The following SPECC1 variants were observed in gnomAD, a reference collection of about 807,000 sequenced individuals.
SPECC1 encodes sperm antigen with calponin homology and coiled-coil domains 1.
A neutral mutation model predicts 104.1 loss-of-function variants in SPECC1; 62 were observed. The observed-to-expected ratio is 0.60, with a 90% confidence interval of 0.49 to 0.74. The LOEUF (loss-of-function observed/expected upper bound fraction) is 0.74. SPECC1 is among the 30% of genes least tolerant of loss of function. The pLI, the probability that SPECC1 is intolerant of heterozygous loss-of-function variation, is 0.00. For synonymous variants in SPECC1, 513 were observed against 501.6 expected (o/e 1.02, Z -0.30); for missense variants, 1,306 against 1,310.5 (o/e 1.00, Z 0.05).
At position 20,246,186 on chromosome 17, in the gene SPECC1, G is replaced by A. The variant is rs1598077972; in HGVS notation, c.2497+115G>A. On this transcript the variant is annotated intron_variant, in intron 8 of 14. Transcript: ENST00000395527. ...CCTGTGTTGTTACAACCACAAGGGCGCTTTCCAGGTCCTACCACGTGCAGC... is the reference window on the plus strand; with the variant it reads ...CCTGTGTTGTTACAACCACAAGGGCACTTTCCAGGTCCTACCACGTGCAGC... 7.0e-6 allele frequency: 9 copies of A among 1,293,252 alleles called. No individual in the cohort carries two copies. The East Asian group carries it at 9.9e-5, about 14-fold the overall frequency. 80.1% of individuals were successfully genotyped at this position (1,293,252 alleles called of 1,614,324 possible).
At chr17:20,105,497 C>A (rs914737021) in intron 2 of SPECC1, among the ~76,000 whole-genome samples, 4 of 152,154 alleles carry the variant, frequency 2.6e-5, no homozygotes, top group Non-Finnish European at 4.4e-5. Flanking sequence ...ATATAGAGAT[C>A]CCAGATCCCA....
intron 1 of SPECC1, among the ~76,000 whole-genome samples, chr17:20,016,578 C>T (rs971636106): frequency 6.6e-6 from 1 of 152,150 alleles, no homozygotes; most frequent in African/African-American, 2.4e-5. Context: ...CCAGCCGGCC[C>T]CAACGGCCCC....
intron 1 of SPECC1, among the ~76,000 whole-genome samples, chr17:20,058,843 T>C (rs2046070932): frequency 7.1e-6 from 1 of 141,390 alleles, no homozygotes; most frequent in African/African-American, 2.6e-5. Flanking sequence ...TTCTTTTTTT[T>C]TTTTTTTTTT....
intron 1 of SPECC1, among the ~76,000 whole-genome samples, chr17:20,031,195 A>G (rs903888701): frequency 6.6e-6 from 1 of 152,092 alleles, no homozygotes; most frequent in African/African-American, 2.4e-5. Context: ...GGGTTTTGCC[A>G]TGTTGGCCAG....
chr17:20,222,062 G>A (rs191519287), intron 4 of SPECC1, among the ~76,000 whole-genome samples: 1 of 150,344 alleles, frequency 6.7e-6, no homozygotes, highest in Non-Finnish European at 1.5e-5. Context: ...GGCCAGGCGT[G>A]GTGGTTCAAG....
intron 4 of SPECC1, among the ~76,000 whole-genome samples, chr17:20,214,429 C>CTTGATACATGCTGGATTACTCTTTTCA (rs1567948915): frequency 6.6e-6 from 1 of 152,108 alleles, no homozygotes; most frequent in Non-Finnish European, 1.5e-5. Flanking sequence ...ACTTGGGCCA[C>CTTGATACATGCTGGATTACTCTTTTCA]AGTTAGGTGA....
At chr17:20,037,380 A>G (rs1444837462) in intron 1 of SPECC1, among the ~76,000 whole-genome samples, 1 of 151,834 alleles carries the variant, frequency 6.6e-6, no homozygotes, top group African/African-American at 2.4e-5. Context: ...CAAACTCCTG[A>G]CCTCAGGTGA....
chr17:20,275,822 G>T (rs923717204), intron 12 of SPECC1, among the ~76,000 whole-genome samples: 1 of 152,152 alleles, frequency 6.6e-6, no homozygotes, highest in African/African-American at 2.4e-5. Flanking sequence ...TCCCCATGTG[G>T]CCACTTGATC....
At chr17:20,160,117 A>C (rs1040850387) in intron 3 of SPECC1, among the ~76,000 whole-genome samples, 1 of 152,238 alleles carries the variant, frequency 6.6e-6, no homozygotes, top group African/African-American at 2.4e-5. Flanking sequence ...ATGAAATAAA[A>C]GCTGCTCAGG....
At chr17:20,038,334 T>C (rs940758704) in intron 1 of SPECC1, among the ~76,000 whole-genome samples, 1 of 150,262 alleles carries the variant, frequency 6.7e-6, no homozygotes, top group African/African-American at 2.4e-5. Context: ...TCTTTTCTAA[T>C]GTAAACATTT....
chr17:20,311,382 TTG>T (rs2041928911), intron 14 of SPECC1, among the ~76,000 whole-genome samples: 1 of 128,356 alleles, frequency 7.8e-6, no homozygotes, highest in Admixed American at 7.2e-5. Flanking sequence ...CATTTTTTTT[TTG>T]TTTTTGTTTT....
chr17:20,318,525 G>A lies in SPECC1; in HGVS notation c.*4460G>A, dbSNP rs1031664786. 1.7e-5 allele frequency: 4 copies of A among 230,732 alleles called. No homozygotes were observed. The highest frequency in any genetic ancestry group is 2.6e-5 in the Non-Finnish European group (3 of 116,644). 14.3% of individuals were successfully genotyped at this position (230,732 alleles called of 1,614,324 possible). On this transcript the variant is annotated 3_prime_UTR_variant, in exon 15 of 15. Transcript: ENST00000395527. ...GTTCTCTTCCCTGCTGCCCACAAAC[G>A]TTACGGAGACTCCCTTAGCCTCCCC...
At chr17:20,199,776 G>C (rs1394030470) in intron 3 of SPECC1, among the ~76,000 whole-genome samples, 1 of 150,980 alleles carries the variant, frequency 6.6e-6, no homozygotes, top group Non-Finnish European at 1.5e-5. Flanking sequence ...ACCAATACTT[G>C]TTATCTTGTG....
chr17:20,158,353 A>G (rs1025959242), intron 3 of SPECC1, among the ~76,000 whole-genome samples: 3 of 152,196 alleles, frequency 2.0e-5, no homozygotes, highest in African/African-American at 7.2e-5. Context: ...TAGAATTAAG[A>G]ATGTATCCAA....
rs148577136 is a variant in SPECC1 at position 20,077,984 on chromosome 17, A to T, written c.-21-18647A>T. On this transcript the variant is annotated intron_variant, in intron 1 of 14. Coordinates refer to ENST00000395527, the MANE Select transcript of SPECC1 (RefSeq NM_001243439.2). ...AAACAAAAGCTAAATTAAAACACACACACACACTGAAAAAGTATTTGATGT... is the reference window on the plus strand; with the variant it reads ...AAACAAAAGCTAAATTAAAACACACTCACACACTGAAAAAGTATTTGATGT... 1.3e-3 allele frequency among the ~76,000 whole-genome samples: 199 copies of T among 152,144 alleles called. 1 individual carries two copies. Among genetic ancestry groups the T allele is most frequent in the African/African-American group, 4.6e-3 (193 of 41,510 alleles).
At chr17:20,051,072 CTTTCTTTCTTTCTTTCTTTCTT>C (rs2045731068) in intron 1 of SPECC1, among the ~76,000 whole-genome samples, 90 of 57,152 alleles carry the variant, frequency 1.6e-3, no homozygotes, top group East Asian at 6.7e-3. Context: ...CTTTCTTTTT[CTTTCTTTCTTTCTTTCTTTCTT>C]TCTTTCTTTC....
At chr17:20,033,244 A>G (rs942403122) in intron 1 of SPECC1, among the ~76,000 whole-genome samples, 1 of 152,050 alleles carries the variant, frequency 6.6e-6, no homozygotes, top group South Asian at 2.1e-4. Flanking sequence ...GATTACAGAC[A>G]TAAGCTACCA....
At chr17:20,270,500 T>C (rs1003625701) in intron 12 of SPECC1, among the ~76,000 whole-genome samples, 10 of 145,286 alleles carry the variant, frequency 6.9e-5, no homozygotes, top group Admixed American at 5.6e-4. Context: ...ACACCTGTGA[T>C]TCCAGCTATT....
At chr17:20,281,488 G>A (rs1214057543) in intron 12 of SPECC1, among the ~76,000 whole-genome samples, 5 of 152,148 alleles carry the variant, frequency 3.3e-5, no homozygotes, top group South Asian at 2.1e-4. Context: ...ACTCCTCAGC[G>A]CCTCACACAT....
Sources: allele counts gnomAD v4.1 joint callset (sites outside exome capture counted in the v4.1 genomes callset), GRCh38; gene constraint gnomAD v4.1.1; transcripts MANE v1.5; gene names NCBI Gene and HGNC (gene_info 2026-07-23, HGNC 2026-07-21).